CENPW: variants seen among roughly 807,000 people sequenced by gnomAD.
CENPW encodes centromere protein W.
CENPW carries 3 observed loss-of-function variants against 11.1 expected under a neutral mutation model. The ratio of observed to expected loss-of-function variants is 0.27; its 90% confidence interval spans 0.12 to 0.70. The LOEUF (loss-of-function observed/expected upper bound fraction) is 0.70. Among genes scored for constraint, CENPW ranks in the 30% least tolerant of loss-of-function variants. The probability of loss-of-function intolerance (pLI) is 0.77; values close to 1 mark genes in which losing one functional copy is unlikely to be tolerated. For synonymous variants in CENPW, 38 were observed against 42.0 expected (o/e 0.91, Z 0.37); for missense variants, 100 against 105.6 (o/e 0.95, Z 0.23).
At chr6:126,406,851 TG>T in the CENPW span, among the ~76,000 whole-genome samples, 1 of 149,440 alleles carries the variant, frequency 6.7e-6, no homozygotes, top group Admixed American at 6.7e-5. Flanking sequence ...GACTCCATCC[TG>T]GAAAAAAAAA....
downstream of CENPW, among the ~76,000 whole-genome samples, chr6:126,350,645 A>G (rs1469864767): frequency 6.6e-6 from 1 of 152,150 alleles, no homozygotes; most frequent in East Asian, 1.9e-4. Context: ...ATTGACTTAT[A>G]CATTTTTATA....
chr6:126,447,634 A>T, the CENPW span, among the ~76,000 whole-genome samples: 4 of 151,160 alleles, frequency 2.6e-5, no homozygotes, highest in Admixed American at 2.6e-4. Context: ...TACAATATCA[A>T]ATTGGGCCTT....
chr6:126,414,987 C>A, the CENPW span, among the ~76,000 whole-genome samples: 1 of 151,814 alleles, frequency 6.6e-6, no homozygotes. Flanking sequence ...AATGGAAAAT[C>A]TATAGGAAAT....
rs1180079655 is a variant in CENPW at position 126,346,199 on chromosome 6, T to C, written c.127-6T>C. The C allele has an allele frequency of 6.5e-7, 1 of 1,539,458 alleles. No homozygotes were observed. Among genetic ancestry groups the C allele is most frequent in the Non-Finnish European group, 8.9e-7 (1 of 1,129,804 alleles). On this transcript the variant is annotated splice_polypyrimidine_tract_variant and splice_region_variant and intron_variant, in intron 1 of 2. Coordinates refer to ENST00000368328, the MANE Select transcript of CENPW (RefSeq NM_001012507.4). ...TAAAAATCCACTTGGATTTTCTGTT[T>C]TAAAGGTCCATCTGAACTGTTTACT... is the stretch of plus-strand genomic sequence containing the variant.
the CENPW span, among the ~76,000 whole-genome samples, chr6:126,466,193 A>T: frequency 0.023 from 3,540 of 152,290 alleles, 123 homozygotes; most frequent in African/African-American, 0.08. Flanking sequence ...TTTTGGATCA[A>T]GGGAATTCCA....
At chr6:126,474,804 T>C in the CENPW span, among the ~76,000 whole-genome samples, 1 of 152,304 alleles carries the variant, frequency 6.6e-6, no homozygotes, top group East Asian at 1.9e-4. Flanking sequence ...TAAAAGTAAC[T>C]GTGGAATCCA....
At chr6:126,437,775 T>G in the CENPW span, among the ~76,000 whole-genome samples, 1 of 151,806 alleles carries the variant, frequency 6.6e-6, no homozygotes, top group Non-Finnish European at 1.5e-5. Context: ...AGCTAGAGCC[T>G]GAAATGCACA....
At chr6:126,419,091 T>C in the CENPW span, among the ~76,000 whole-genome samples, 1 of 151,882 alleles carries the variant, frequency 6.6e-6, no homozygotes, top group Non-Finnish European at 1.5e-5. Flanking sequence ...ATAAAATATA[T>C]ATATATTTTA....
At chr6:126,428,290 T>C in the CENPW span, among the ~76,000 whole-genome samples, 1 of 152,200 alleles carries the variant, frequency 6.6e-6, no homozygotes, top group African/African-American at 2.4e-5. Flanking sequence ...CTGATAAAAA[T>C]GCAGAAGTGT....
At chr6:126,413,208 G>A in the CENPW span, among the ~76,000 whole-genome samples, 1 of 151,978 alleles carries the variant, frequency 6.6e-6, no homozygotes, top group Admixed American at 6.6e-5. Context: ...AGAGAAATTT[G>A]GACATCCATA....
the CENPW span, among the ~76,000 whole-genome samples, chr6:126,404,856 T>G: frequency 2.7e-4 from 12 of 44,964 alleles, no homozygotes; most frequent in East Asian, 0.24. Context: ...GTATTTGGGT[T>G]TTTTTTTTTT....
the CENPW span, among the ~76,000 whole-genome samples, chr6:126,392,297 T>C: frequency 2.6e-5 from 4 of 151,976 alleles, no homozygotes; most frequent in East Asian, 5.8e-4. Context: ...AGTTGGCATA[T>C]AAAATTTCTG....
At chr6:126,366,737 C>G in the CENPW span, among the ~76,000 whole-genome samples, 12 of 152,136 alleles carry the variant, frequency 7.9e-5, no homozygotes, top group Non-Finnish European at 1.2e-4. Context: ...ATCTTAGTCT[C>G]TTTTGTGTGG....
the CENPW span, among the ~76,000 whole-genome samples, chr6:126,445,080 C>A: frequency 2.6e-3 from 398 of 151,316 alleles, 4 homozygotes; most frequent in Non-Finnish European, 4.5e-3. Context: ...GTCCCTTGAA[C>A]TCACTCATGA....
rs557213967 is a variant in CENPW, at chr6:126,347,822, A to T, written c.241-644A>T. ...TAAAATAGTAGATAAGTTTTTTTTTAAAAAAAGAGATATTCTGACTAATAC... is the reference window on the plus strand; with the variant it reads ...TAAAATAGTAGATAAGTTTTTTTTTTAAAAAAGAGATATTCTGACTAATAC... On this transcript the variant is annotated intron_variant, in intron 2 of 2. Coordinates refer to ENST00000368328, the MANE Select transcript of CENPW (RefSeq NM_001012507.4). Among the ~76,000 whole-genome samples the T allele has an allele frequency of 1.6e-4, 24 of 151,814 alleles. No homozygotes were observed. In the South Asian group the frequency reaches 2.9e-3, roughly 18 times the overall value.
chr6:126,392,952 T>C, the CENPW span, among the ~76,000 whole-genome samples: 1 of 152,006 alleles, frequency 6.6e-6, no homozygotes, highest in Non-Finnish European at 1.5e-5. Context: ...GACTTTTTAT[T>C]ACAGATTCAA....
At chr6:126,447,404 T>C in the CENPW span, among the ~76,000 whole-genome samples, 1 of 151,092 alleles carries the variant, frequency 6.6e-6, no homozygotes, top group East Asian at 1.9e-4. Context: ...TTGGGACAAA[T>C]AGAAGCAAAA....
the CENPW span, among the ~76,000 whole-genome samples, chr6:126,468,420 C>CA: frequency 0.5 from 26,856 of 53,720 alleles, 7,778 homozygotes; most frequent in African/African-American, 0.55. Flanking sequence ...AACTCTGTCT[C>CA]AAAAAAAAAA....
chr6:126,390,761 A>G, the CENPW span, among the ~76,000 whole-genome samples: 2 of 151,926 alleles, frequency 1.3e-5, no homozygotes, highest in Non-Finnish European at 2.9e-5. Context: ...ACTTAACATA[A>G]TAACCTCCAG....
Sources: allele counts gnomAD v4.1 joint callset (sites outside exome capture counted in the v4.1 genomes callset), GRCh38; gene constraint gnomAD v4.1.1; transcripts MANE v1.5; gene names NCBI Gene and HGNC (gene_info 2026-07-23, HGNC 2026-07-21).